MECR: variants seen among roughly 807,000 people sequenced by gnomAD.
MECR encodes mitochondrial trans-2-enoyl-CoA reductase.
MECR carries 37 observed loss-of-function variants against 49.1 expected under a neutral mutation model. The observed-to-expected ratio is 0.75, with a 90% CI of 0.58 to 0.99. The LOEUF (loss-of-function observed/expected upper bound fraction) is 0.99, where lower values mean the gene tolerates loss of function less well. Among genes scored for constraint, MECR ranks in the 50% least tolerant of loss-of-function variants. The pLI, the probability that MECR is intolerant of heterozygous loss-of-function variation, is 0.00. For synonymous variants in MECR, 198 were observed against 191.1 expected (o/e 1.04, Z -0.30); for missense variants, 470 against 479.6 (o/e 0.98, Z 0.19).
chr1:29,209,236 TCTG>T (rs1352466637), intron 3 of MECR, among the ~76,000 whole-genome samples: 3 of 152,234 alleles, frequency 2.0e-5, no homozygotes, highest in African/African-American at 4.8e-5. Context: ...TGTGTGATAC[TCTG>T]CTATTTTTCA....
At chr1:29,207,736 T>C (rs1347084954) in intron 3 of MECR, among the ~76,000 whole-genome samples, 1 of 151,984 alleles carries the variant, frequency 6.6e-6, no homozygotes, top group Non-Finnish European at 1.5e-5. Context: ...CAAGAACCTG[T>C]CTCAAAAAAA....
rs896157098 is a variant in MECR at position 29,192,713 on chromosome 1, G to A, written c.*1309C>T. Among the ~76,000 whole-genome samples the A allele has an allele frequency of 9.9e-5, 15 of 152,138 alleles. No individual in the cohort carries two copies. Among genetic ancestry groups the A allele is most frequent in the African/African-American group, 2.7e-4 (11 of 41,432 alleles). On this transcript the variant is annotated 3_prime_UTR_variant, in exon 10 of 10. Coordinates refer to ENST00000263702, the MANE Select transcript of MECR (RefSeq NM_016011.5). Reference sequence around the variant, plus strand: ...CGTGAAGCAAATACCAAAAAGTCACGTCAAGCTCTTCTCTCGGCCTGAATA... The same window carrying A: ...CGTGAAGCAAATACCAAAAAGTCACATCAAGCTCTTCTCTCGGCCTGAATA...
chr1:29,183,046 T>C, the MECR span, among the ~76,000 whole-genome samples: 1 of 152,236 alleles, frequency 6.6e-6, no homozygotes, highest in Non-Finnish European at 1.5e-5. Context: ...TGCTTGTTTT[T>C]GTTTTTTGAA....
chr1:29,185,816 G>GA, the MECR span, among the ~76,000 whole-genome samples: 13 of 152,058 alleles, frequency 8.5e-5, no homozygotes, highest in African/African-American at 2.4e-4. Context: ...CGTCTCTGCA[G>GA]AAAAAACAAC....
chr1:29,206,042 T>C (rs972208929), intron 4 of MECR, among the ~76,000 whole-genome samples: 2 of 152,224 alleles, frequency 1.3e-5, no homozygotes, highest in Admixed American at 1.3e-4. Flanking sequence ...ATAGTTTACC[T>C]TTCTGGACCT....
the MECR span, chr1:29,181,735 G>A: frequency 3.8e-6 from 6 of 1,587,632 alleles, no homozygotes; most frequent in Non-Finnish European, 3.4e-6. Context: ...TCAGGCGGCC[G>A]ATGTACACCC....
At chr1:29,217,904 C>T (rs115396197) in intron 1 of MECR, among the ~76,000 whole-genome samples, 63 of 152,300 alleles carry the variant, frequency 4.1e-4, no homozygotes, top group African/African-American at 1.5e-3. Flanking sequence ...GAGGAGGATT[C>T]TTGTCTGGCA....
At chr1:29,203,817 C>T (rs1348296287) in intron 4 of MECR, among the ~76,000 whole-genome samples, 2 of 152,242 alleles carry the variant, frequency 1.3e-5, no homozygotes, top group Non-Finnish European at 2.9e-5. Context: ...TGCCCTATTC[C>T]TCTCTGCAGT....
At chr1:29,179,084 T>C in the MECR span, among the ~76,000 whole-genome samples, 5 of 152,234 alleles carry the variant, frequency 3.3e-5, no homozygotes, top group Non-Finnish European at 4.4e-5. Flanking sequence ...TGAAAGGCTC[T>C]TTCCTCTTAT....
At chr1:29,179,610 T>C in the MECR span, among the ~76,000 whole-genome samples, 1 of 152,224 alleles carries the variant, frequency 6.6e-6, no homozygotes, top group South Asian at 2.1e-4. Flanking sequence ...CAGCTGGGAT[T>C]GCAGGCACAA....
the MECR span, among the ~76,000 whole-genome samples, chr1:29,174,945 T>G: frequency 1.0e-4 from 15 of 150,404 alleles, no homozygotes; most frequent in African/African-American, 3.7e-4. Flanking sequence ...GTGTTGGGAT[T>G]ATAGGCGTGA....
the MECR span, chr1:29,181,852 G>GGGC: frequency 2.4e-5 from 25 of 1,022,796 alleles, no homozygotes; most frequent in Non-Finnish European, 3.0e-5. Flanking sequence ...GGCAACGGGC[G>GGGC]GGCGGCGGGA....
the MECR span, among the ~76,000 whole-genome samples, chr1:29,177,442 C>G: frequency 1.3e-5 from 2 of 152,040 alleles, no homozygotes; most frequent in Non-Finnish European, 1.5e-5. Context: ...CCACGACGCC[C>G]GGCTAACTTT....
At chr1:29,181,537 G>A in the MECR span, 35 of 977,052 alleles carry the variant, frequency 3.6e-5, no homozygotes, top group Non-Finnish European at 4.9e-5. Context: ...GCCTGGCCAG[G>A]CCGGTAGCCG....
the MECR span, among the ~76,000 whole-genome samples, chr1:29,180,816 T>C: frequency 5.9e-5 from 9 of 152,174 alleles, no homozygotes; most frequent in Non-Finnish European, 1.3e-4. Context: ...CCGAAGTAGA[T>C]TAAGAATACA....
At chr1:29,198,454 G>A (rs762433860) in intron 7 of MECR, among the ~76,000 whole-genome samples, 1 of 152,200 alleles carries the variant, frequency 6.6e-6, no homozygotes, top group Non-Finnish European at 1.5e-5. Flanking sequence ...GCCTACACCC[G>A]TAACAACGCT....
At chr1:29,173,790 G>C in the MECR span, among the ~76,000 whole-genome samples, 5 of 151,772 alleles carry the variant, frequency 3.3e-5, no homozygotes, top group Non-Finnish European at 5.9e-5. Flanking sequence ...AGGCTAAATA[G>C]ACAAGCCTTA....
At chr1:29,195,799 G>A in intron 9 of MECR, 142 bp downstream of exon 9, 1 of 829,168 alleles carries the variant, frequency 1.2e-6, no homozygotes, top group East Asian at 2.6e-5. Context: ...GACTGTAGCT[G>A]GACTAAGGCT....
chr1:29,197,408 G>A (rs994986408), intron 7 of MECR, among the ~76,000 whole-genome samples: 1 of 152,180 alleles, frequency 6.6e-6, no homozygotes, highest in African/African-American at 2.4e-5. Context: ...ACTGCAGGAG[G>A]TGCCTTCTCA....
Sources: gnomAD v4.1 joint callset for allele counts (sites outside exome capture counted in the v4.1 genomes callset) on GRCh38, gnomAD v4.1.1 for gene constraint, MANE v1.5 for transcripts, NCBI Gene and HGNC (gene_info 2026-07-23, HGNC 2026-07-21) for gene names.